JAM3: variants seen among roughly 807,000 people sequenced by gnomAD.
JAM3 encodes junctional adhesion molecule C.
In JAM3, 31 loss-of-function variants were observed where a neutral mutation model predicts 39.4. The ratio of observed to expected loss-of-function variants is 0.79; its 90% confidence interval spans 0.59 to 1.06. JAM3 has a LOEUF of 1.06. JAM3 is among the 50% of genes least tolerant of loss of function. The probability of loss-of-function intolerance (pLI) is 0.00; values close to 1 mark genes in which losing one functional copy is unlikely to be tolerated. For missense variants in JAM3, 455 were observed against 391.4 expected (o/e 1.16, Z -1.37); for synonymous variants, 182 against 148.7 (o/e 1.22, Z -1.63).
At chr11:134,078,867 T>C (rs1941617470) in intron 1 of JAM3, among the ~76,000 whole-genome samples, 1 of 152,114 alleles carries the variant, frequency 6.6e-6, no homozygotes, top group Non-Finnish European at 1.5e-5. Context: ...GGAGAAACCC[T>C]GTCTCTACTA....
At chr11:134,130,180 C>T (rs1407827350) in intron 1 of JAM3, among the ~76,000 whole-genome samples, 1 of 152,140 alleles carries the variant, frequency 6.6e-6, no homozygotes, top group African/African-American at 2.4e-5. Flanking sequence ...GCAATTAAAT[C>T]CTGGGAAAAC....
rs966017130 is a variant in JAM3, at chr11:134,148,528, C to T, written c.713-19C>T. ...AGATAGTGTGTATCATGGCTTCCAC[C>T]AAACCTCCTTTTCTTCAGATGACCT... On this transcript the variant is annotated intron_variant, in intron 6 of 8. Coordinates refer to ENST00000299106, the MANE Select transcript of JAM3 (RefSeq NM_032801.5). 1.9e-6 allele frequency: 3 copies of T among 1,614,138 alleles called. No homozygotes were observed. Among genetic ancestry groups the T allele is most frequent in the Admixed American group, 1.7e-5 (1 of 60,028 alleles).
At chr11:134,084,405 G>A (rs376261783) in intron 1 of JAM3, among the ~76,000 whole-genome samples, 127 of 152,296 alleles carry the variant, frequency 8.3e-4, no homozygotes, top group East Asian at 3.7e-3. Flanking sequence ...TAGTAATAGC[G>A]TAAAGTAGCT....
intron 1 of JAM3, among the ~76,000 whole-genome samples, chr11:134,073,784 A>G (rs924052237): frequency 6.6e-6 from 1 of 152,162 alleles, no homozygotes; most frequent in African/African-American, 2.4e-5. Flanking sequence ...ATTTTTTTGT[A>G]TCTTTCCAGA....
chr11:134,102,212 C>T (rs1031030083), intron 1 of JAM3, among the ~76,000 whole-genome samples: 25 of 152,294 alleles, frequency 1.6e-4, no homozygotes, highest in Admixed American at 3.9e-4. Context: ...CAGCAGTATT[C>T]GCTGTCCTGC....
rs1943031461 is a variant in JAM3 at position 134,144,399 on chromosome 11, A to G, written c.409+6A>G. 6.2e-7 allele frequency: 1 copy of G among 1,614,050 alleles called. No individual in the cohort carries two copies. Among genetic ancestry groups the G allele is most frequent in the Non-Finnish European group, 8.5e-7 (1 of 1,180,020 alleles). On this transcript the variant is annotated splice_donor_region_variant and intron_variant, in intron 4 of 8. Coordinates refer to ENST00000299106, the MANE Select transcript of JAM3 (RefSeq NM_032801.5). ...GATCGAGTTAACTGTGCAAGGTAGG[A>G]GCTCATGCGAAGGTGAGACATTGCC...
At chr11:134,142,946 G>A (rs370639713) in intron 3 of JAM3, among the ~76,000 whole-genome samples, 3 of 152,014 alleles carry the variant, frequency 2.0e-5, no homozygotes, top group Admixed American at 6.6e-5. Context: ...TTCTTTTCAC[G>A]GCTGAATAAT....
At chr11:134,124,988 A>ACGACACCCCCCAGCCTCAGCGCG (rs1230393451) in intron 1 of JAM3, among the ~76,000 whole-genome samples, 1 of 151,674 alleles carries the variant, frequency 6.6e-6, no homozygotes, top group African/African-American at 2.4e-5. Context: ...GGCAGCGGCG[A>ACGACACCCCCCAGCCTCAGCGCG]CGACACCCCC....
intron 5 of JAM3, 153 bp downstream of exon 5, chr11:134,145,147 C>G (rs1943048628): frequency 4.2e-6 from 3 of 708,320 alleles, no homozygotes; most frequent in Non-Finnish European, 7.6e-6. Flanking sequence ...AAAAATGACC[C>G]TTCTTCCTTT....
rs545078604 is a variant in JAM3, at chr11:134,109,054, T to A, written c.77-30797T>A. On this transcript the variant is annotated intron_variant, in intron 1 of 8. Coordinates refer to ENST00000299106, the MANE Select transcript of JAM3 (RefSeq NM_032801.5). ...TCACTGCAACCTCCACCTCCCAGGT[T>A]CAAGCAATTCTCGTGCCTTAGCCTC... 2.6e-5 allele frequency among the ~76,000 whole-genome samples: 4 copies of A among 152,184 alleles called. 1 individual carries two copies. In the East Asian group the frequency reaches 7.8e-4, roughly 29 times the overall value.
chr11:134,142,613 T>C (rs1942997202), intron 3 of JAM3, among the ~76,000 whole-genome samples: 1 of 152,250 alleles, frequency 6.6e-6, no homozygotes. Context: ...GTCTTATGTT[T>C]AAAATGTTTT....
rs58654190 is a variant in JAM3 at position 134,080,593 on chromosome 11, A to G, written c.76+11434A>G. Among the ~76,000 whole-genome samples, 758 of 152,306 alleles carry G rather than the reference A, an allele frequency of 5.0e-3. 7 individuals are homozygous for G. The highest frequency in any genetic ancestry group is 0.017 in the African/African-American group (712 of 41,568). On this transcript the variant is annotated intron_variant, in intron 1 of 8. Transcript: ENST00000299106. ...TCTCTTGTCTGTCGCCATATGAGAC[A>G]TGCCTTTTACCTTCTGCCGTGATTG...
chr11:134,109,719 AATGTGGTAATCCAC>A (rs1343803212), intron 1 of JAM3, among the ~76,000 whole-genome samples: 1 of 152,216 alleles, frequency 6.6e-6, no homozygotes, highest in Non-Finnish European at 1.5e-5. Context: ...AAAGAGGGAG[AATGTGGTAATCCAC>A]ATGTTGCAAG....
intron 1 of JAM3, among the ~76,000 whole-genome samples, chr11:134,101,709 CTTAT>C (rs895099818): frequency 9.2e-5 from 14 of 152,212 alleles, no homozygotes; most frequent in South Asian, 2.1e-4. Context: ...TATTTCTCCC[CTTAT>C]TTATTCTTTT....
chr11:134,079,555 G>T (rs143952788), intron 1 of JAM3, among the ~76,000 whole-genome samples: 1 of 152,004 alleles, frequency 6.6e-6, no homozygotes, highest in Non-Finnish European at 1.5e-5. Flanking sequence ...GCACTGTATC[G>T]TGGGTGTTAG....
intron 1 of JAM3, among the ~76,000 whole-genome samples, chr11:134,076,131 C>CGTTTT (rs1234511119): frequency 4.6e-4 from 68 of 147,970 alleles, no homozygotes; most frequent in African/African-American, 1.6e-3. Context: ...TTTTTTTACT[C>CGTTTT]CTTTTCTTTT....
chr11:134,090,841 T>C (rs1283586486), intron 1 of JAM3, among the ~76,000 whole-genome samples: 1 of 152,196 alleles, frequency 6.6e-6, no homozygotes. Flanking sequence ...TGACTTGTTA[T>C]GTAATAAGAT....
chr11:134,085,641 TTTG>T (rs1345434914), intron 1 of JAM3, among the ~76,000 whole-genome samples: 48 of 152,216 alleles, frequency 3.2e-4, no homozygotes, highest in African/African-American at 1.1e-3. Flanking sequence ...AATCATATCA[TTTG>T]TTGTTGTATT....
chr11:134,091,017 G>C (rs1032959434), intron 1 of JAM3, among the ~76,000 whole-genome samples: 1 of 152,020 alleles, frequency 6.6e-6, no homozygotes, highest in African/African-American at 2.4e-5. Flanking sequence ...CTAATGTATT[G>C]GCTGGCTAAG....
Sources: gnomAD v4.1 joint callset for allele counts (sites outside exome capture counted in the v4.1 genomes callset) on GRCh38, gnomAD v4.1.1 for gene constraint, MANE v1.5 for transcripts, NCBI Gene and HGNC (gene_info 2026-07-23, HGNC 2026-07-21) for gene names.